The following CDH18 variants were observed in gnomAD, a reference collection of about 807,000 sequenced individuals.
CDH18 encodes the protein cadherin 18, also known as cadherin-18.
A neutral mutation model predicts 67.9 loss-of-function variants in CDH18; 31 were observed. The observed-to-expected ratio is 0.46, with a 90% CI of 0.34 to 0.62. The LOEUF is 0.62. Among genes scored for constraint, CDH18 ranks in the 20% least tolerant of loss-of-function variants. The pLI is 0.01. For missense variants in CDH18, 890 were observed against 975.5 expected (o/e 0.91, Z 1.17); for synonymous variants, 362 against 347.2 (o/e 1.04, Z -0.48).
At chr5:20,134,406 G>A (rs1749525307) in intron 2 of CDH18, among the ~76,000 whole-genome samples, 1 of 152,068 alleles carries the variant, frequency 6.6e-6, no homozygotes, top group Admixed American at 6.6e-5. Flanking sequence ...GCTGTGTCTA[G>A]TCTACTTATT....
chr5:20,454,718 A>G (rs1750712604), intron 1 of CDH18, among the ~76,000 whole-genome samples: 1 of 152,112 alleles, frequency 6.6e-6, no homozygotes, highest in Non-Finnish European at 1.5e-5. Context: ...CACAAAAGCA[A>G]TAGCCAGAAG....
chr5:20,132,872 C>G (rs755824087), intron 2 of CDH18, among the ~76,000 whole-genome samples: 22 of 152,108 alleles, frequency 1.4e-4, no homozygotes, highest in Admixed American at 3.9e-4. Context: ...GGAGTAAAAA[C>G]GTTATTTTCC....
chr5:20,135,507 C>T (rs1466672159), intron 2 of CDH18, among the ~76,000 whole-genome samples: 1 of 151,768 alleles, frequency 6.6e-6, no homozygotes, highest in African/African-American at 2.4e-5. Context: ...CTTACTAGTG[C>T]TCTATCAATT....
intron 2 of CDH18, among the ~76,000 whole-genome samples, chr5:20,210,501 T>C (rs1304938800): frequency 1.3e-5 from 2 of 152,026 alleles, no homozygotes; most frequent in African/African-American, 2.4e-5. Context: ...AAATGATTAA[T>C]CCAATTAGTT....
chr5:20,316,335 G>C (rs1017802116), intron 1 of CDH18, among the ~76,000 whole-genome samples: 1 of 151,958 alleles, frequency 6.6e-6, no homozygotes, highest in Admixed American at 6.6e-5. Context: ...GCTGAAACTT[G>C]AAATTTAAGA....
chr5:20,345,012 T>A (rs1183134601), intron 1 of CDH18, among the ~76,000 whole-genome samples: 1 of 152,134 alleles, frequency 6.6e-6, no homozygotes, highest in Non-Finnish European at 1.5e-5. Flanking sequence ...AACACTCTCA[T>A]TGCTAATCCC....
chr5:20,349,641 CA>C (rs1446635185), intron 1 of CDH18, among the ~76,000 whole-genome samples: 1 of 151,972 alleles, frequency 6.6e-6, no homozygotes, highest in Non-Finnish European at 1.5e-5. Flanking sequence ...AGGGAATACA[CA>C]AAGATTACAA....
At chr5:19,517,828 C>A (rs1746274455) in intron 10 of CDH18, among the ~76,000 whole-genome samples, 1 of 151,990 alleles carries the variant, frequency 6.6e-6, no homozygotes, top group Non-Finnish European at 1.5e-5. Context: ...CTCTCATACT[C>A]TTATTTATAT....
At chr5:20,329,700 G>T (rs1052757311) in intron 1 of CDH18, among the ~76,000 whole-genome samples, 39 of 149,722 alleles carry the variant, frequency 2.6e-4, no homozygotes, top group African/African-American at 9.1e-4. Flanking sequence ...AACCCCGGAG[G>T]CGGAGGTTGC....
intron 1 of CDH18, among the ~76,000 whole-genome samples, chr5:20,450,277 G>A (rs1750337573): frequency 6.6e-6 from 1 of 152,088 alleles, no homozygotes; most frequent in Admixed American, 6.6e-5. Flanking sequence ...AACTTGGGAG[G>A]CGGAGGTTGC....
intron 5 of CDH18, among the ~76,000 whole-genome samples, chr5:19,688,906 T>G (rs1198850183): frequency 6.6e-6 from 1 of 151,776 alleles, no homozygotes; most frequent in African/African-American, 2.4e-5. Context: ...AAAAATAAAT[T>G]TAAGAGCTTC....
chr5:20,122,216 C>T (rs527497677), intron 2 of CDH18, among the ~76,000 whole-genome samples: 1 of 152,304 alleles, frequency 6.6e-6, no homozygotes, highest in African/African-American at 2.4e-5. Context: ...GGCTTTGTCA[C>T]CAGCAAATAT....
chr5:19,554,527 G>C (rs1738036963), intron 8 of CDH18, among the ~76,000 whole-genome samples: 1 of 151,334 alleles, frequency 6.6e-6, no homozygotes, highest in Non-Finnish European at 1.5e-5. Flanking sequence ...TCCAGGCTGG[G>C]CAAGAAGAGC....
Position 20,045,333 on chromosome 5 carries a change from C to A in CDH18, c.-517-53319G>T, listed in dbSNP as rs148262897. ...GTGTTTCAGTGCTTTTCAAGTTATG[C>A]CACATCAGTGTTTGTCTTTGTGCCA... On this transcript the variant is annotated intron_variant, in intron 2 of 14. Coordinates refer to the CDH18 transcript ENST00000507958. 1.0e-3 allele frequency among the ~76,000 whole-genome samples: 157 copies of A among 152,158 alleles called. 3 individuals carry two copies. In the East Asian group the frequency reaches 0.024, roughly 23 times the overall value.
Position 20,496,047 on chromosome 5 carries a change from G to C in CDH18, c.-580+79415C>G, listed in dbSNP as rs573096841. On this transcript the variant is annotated intron_variant, in intron 1 of 14. Coordinates refer to the CDH18 transcript ENST00000507958. ...TGTGGATAAATAATATTATTGAGTT[G>C]AGAAGAGAAAGAAATGGAACAGGAA... Among the ~76,000 whole-genome samples, 384 of 152,184 alleles carry C rather than the reference G, an allele frequency of 2.5e-3. 2 individuals carry two copies. The highest frequency in any genetic ancestry group is 8.9e-3 in the African/African-American group (369 of 41,540).
intron 2 of CDH18, among the ~76,000 whole-genome samples, chr5:19,925,165 C>CG (rs1364470355): frequency 7.2e-5 from 11 of 152,108 alleles, no homozygotes; most frequent in Non-Finnish European, 1.2e-4. Context: ...CTGCATTTAT[C>CG]GATAAGGTAA....
intron 5 of CDH18, among the ~76,000 whole-genome samples, chr5:19,679,119 CT>C (rs1759901921): frequency 6.6e-6 from 1 of 151,986 alleles, no homozygotes; most frequent in East Asian, 1.9e-4. Context: ...TAGGCTTTAC[CT>C]CTGGAATGCA....
intron 1 of CDH18, among the ~76,000 whole-genome samples, chr5:20,555,450 TCTTTTTTC>T (rs1757854601): frequency 1.0e-5 from 1 of 99,648 alleles, no homozygotes; most frequent in African/African-American, 3.8e-5. Flanking sequence ...TTTTTTTTTT[TCTTTTTTC>T]TTTGAGACAG....
At chr5:19,801,201 T>TAA (rs1777429766) in intron 3 of CDH18, among the ~76,000 whole-genome samples, 1 of 152,168 alleles carries the variant, frequency 6.6e-6, no homozygotes, top group East Asian at 1.9e-4. Flanking sequence ...TGGTTTCCTT[T>TAA]AACAGTATCT....
Sources: allele counts gnomAD v4.1 joint callset (sites outside exome capture counted in the v4.1 genomes callset), GRCh38; gene constraint gnomAD v4.1.1; transcripts MANE v1.5; gene names NCBI Gene and HGNC (gene_info 2026-07-23, HGNC 2026-07-21).